The following LARGE1 variants were observed in gnomAD, a reference collection of about 807,000 sequenced individuals.
LARGE1 encodes LARGE xylosyl- and glucuronyltransferase 1.
A neutral mutation model predicts 87.6 loss-of-function variants in LARGE1; 43 were observed. That is an observed-to-expected ratio of 0.49 (90% CI 0.38 to 0.63). The LOEUF (loss-of-function observed/expected upper bound fraction) is 0.63, where lower values mean the gene tolerates loss of function less well. Ranked by LOEUF, LARGE1 falls within the 30% of genes least tolerant of loss-of-function variation. The probability of loss-of-function intolerance (pLI) is 0.00; values close to 1 mark genes in which losing one functional copy is unlikely to be tolerated. For missense variants in LARGE1, 802 were observed against 1,000.2 expected, an observed-to-expected ratio of 0.80 and a Z score of 2.67; for synonymous variants, 434 against 394.6, an observed-to-expected ratio of 1.10 and a Z score of -1.18.
intron 6 of LARGE1, among the ~76,000 whole-genome samples, chr22:33,494,746 C>G (rs1249912753): frequency 6.6e-6 from 1 of 152,224 alleles, no homozygotes; most frequent in Non-Finnish European, 1.5e-5. Context: ...TACTTGGCAT[C>G]TCTGTCACAG....
At chr22:33,681,989 T>A (rs1174858962) in intron 2 of LARGE1, among the ~76,000 whole-genome samples, 1 of 152,122 alleles carries the variant, frequency 6.6e-6, no homozygotes, top group Non-Finnish European at 1.5e-5. Flanking sequence ...ACTTCTACCA[T>A]GCAAAGACCA....
At chr22:33,268,758 A>T (rs527551005), downstream of LARGE1, among the ~76,000 whole-genome samples, 1 of 152,256 alleles carries the variant, frequency 6.6e-6, no homozygotes, top group South Asian at 2.1e-4. Context: ...GCAGGTAGAA[A>T]ATAATCACTT....
intron 4 of LARGE1, among the ~76,000 whole-genome samples, chr22:33,606,883 CA>C (rs2148991278): frequency 6.6e-6 from 1 of 152,262 alleles, no homozygotes; most frequent in Non-Finnish European, 1.5e-5. Context: ...ACATCTAGGT[CA>C]GGGGTCCTTC....
intron 11 of LARGE1, among the ~76,000 whole-genome samples, chr22:33,260,051 C>T (rs959258503): frequency 1.4e-4 from 22 of 152,136 alleles, no homozygotes; most frequent in African/African-American, 5.1e-4. Context: ...TACCAGGTAC[C>T]GAGCAACTAG....
At chr22:33,792,493 G>T (rs1023643533) in intron 1 of LARGE1, among the ~76,000 whole-genome samples, 4 of 152,122 alleles carry the variant, frequency 2.6e-5, no homozygotes, top group African/African-American at 7.2e-5. Context: ...GCACAGTCTG[G>T]GGTATGTCTT....
intron 3 of LARGE1, among the ~76,000 whole-genome samples, chr22:33,644,676 C>T (rs1257775385): frequency 1.3e-5 from 2 of 152,092 alleles, no homozygotes; most frequent in South Asian, 4.1e-4. Context: ...TCTTCTCAGC[C>T]CAAAACTCCT....
the LARGE1 span, among the ~76,000 whole-genome samples, chr22:33,153,582 C>A: frequency 6.6e-6 from 1 of 152,276 alleles, no homozygotes; most frequent in East Asian, 1.9e-4. Context: ...TTTCTACCTG[C>A]AGCATAGTAC....
chr22:33,501,400 G>A (rs940811709), intron 6 of LARGE1, among the ~76,000 whole-genome samples: 5 of 152,184 alleles, frequency 3.3e-5, no homozygotes, highest in Admixed American at 3.3e-4. Flanking sequence ...GCCCTAGGGG[G>A]CATGAATCTG....
At chr22:33,377,909 G>A (rs1190997711) in intron 9 of LARGE1, among the ~76,000 whole-genome samples, 4 of 151,946 alleles carry the variant, frequency 2.6e-5, no homozygotes, top group East Asian at 1.9e-4. Flanking sequence ...ATCCAAATAC[G>A]GCTATTCATT....
chr22:33,816,295 A>T (rs2086644426), intron 1 of LARGE1, among the ~76,000 whole-genome samples: 1 of 152,134 alleles, frequency 6.6e-6, no homozygotes, highest in Non-Finnish European at 1.5e-5. Flanking sequence ...AGTTGTTAAA[A>T]CAAAATGCCA....
chr22:33,197,427 A>C (rs562468125), intron 11 of LARGE1, among the ~76,000 whole-genome samples: 2 of 152,052 alleles, frequency 1.3e-5, no homozygotes, highest in Non-Finnish European at 2.9e-5. Context: ...TAGAGTTAAA[A>C]AGTGAATTTA....
intron 6 of LARGE1, among the ~76,000 whole-genome samples, chr22:33,554,176 G>A (rs1047979303): frequency 4.6e-5 from 7 of 152,040 alleles, no homozygotes; most frequent in African/African-American, 7.2e-5. Context: ...GCTCCCCCTC[G>A]CAAATCACAG....
intron 10 of LARGE1, among the ~76,000 whole-genome samples, chr22:33,325,238 T>C (rs774320714): frequency 6.6e-6 from 1 of 152,224 alleles, no homozygotes; most frequent in Non-Finnish European, 1.5e-5. Context: ...AAACATCCTG[T>C]GCTCACCAAT....
chr22:33,254,593 G>C (rs1356551329), intron 11 of LARGE1, among the ~76,000 whole-genome samples: 1 of 152,184 alleles, frequency 6.6e-6, no homozygotes, highest in Non-Finnish European at 1.5e-5. Flanking sequence ...TTCCAGGTCT[G>C]CCACTTACAA....
intron 2 of LARGE1, among the ~76,000 whole-genome samples, chr22:33,669,028 G>C (rs1365619951): frequency 1.3e-5 from 2 of 152,180 alleles, no homozygotes; most frequent in Non-Finnish European, 2.9e-5. Context: ...AACACCTCAG[G>C]CTACGTTACT....
chr22:33,310,875 T>C (rs1935500869), intron 11 of LARGE1, among the ~76,000 whole-genome samples: 2 of 152,120 alleles, frequency 1.3e-5, no homozygotes, highest in Non-Finnish European at 2.9e-5. Flanking sequence ...GGAGTGGGTA[T>C]CGTGTGTCTG....
the LARGE1 span, among the ~76,000 whole-genome samples, chr22:33,085,368 G>C: frequency 6.6e-6 from 1 of 152,204 alleles, no homozygotes; most frequent in Non-Finnish European, 1.5e-5. Flanking sequence ...GAATATCAAA[G>C]CATCATTTTC....
intron 6 of LARGE1, among the ~76,000 whole-genome samples, chr22:33,507,931 G>A (rs2070842014): frequency 6.6e-6 from 1 of 152,060 alleles, no homozygotes; most frequent in Non-Finnish European, 1.5e-5. Flanking sequence ...CTGGAAGAGG[G>A]GGACCTTTAA....
chr22:33,362,820 A>G (rs1459929704), intron 9 of LARGE1, among the ~76,000 whole-genome samples: 1 of 149,814 alleles, frequency 6.7e-6, no homozygotes, highest in Non-Finnish European at 1.5e-5. Flanking sequence ...GGGTGAGACT[A>G]AAGGGGGGAA....
Sources: allele counts gnomAD v4.1 joint callset (sites outside exome capture counted in the v4.1 genomes callset), GRCh38; gene constraint gnomAD v4.1.1; transcripts MANE v1.5; gene names NCBI Gene and HGNC (gene_info 2026-07-23, HGNC 2026-07-21).